The following UROS variants were observed in gnomAD, a reference collection of about 807,000 sequenced individuals.
The protein encoded by UROS is uroporphyrinogen III synthase.
In UROS, 18 loss-of-function variants were observed where a neutral mutation model predicts 33.0. The ratio of observed to expected loss-of-function variants is 0.55; its 90% confidence interval spans 0.38 to 0.81. The LOEUF is 0.81. Ranked by LOEUF, UROS falls within the 30% of genes least tolerant of loss-of-function variation. The pLI is 0.00. For synonymous variants in UROS, 114 were observed against 121.1 expected (o/e 0.94, Z 0.38); for missense variants, 293 against 314.9 (o/e 0.93, Z 0.53).
At chr10:125,800,387 C>T (rs1273990679) in intron 6 of UROS, among the ~76,000 whole-genome samples, 1 of 152,146 alleles carries the variant, frequency 6.6e-6, no homozygotes, top group Non-Finnish European at 1.5e-5. Flanking sequence ...CTATGGTTTA[C>T]CTGGGCATCC....
intron 3 of UROS, among the ~76,000 whole-genome samples, chr10:125,815,775 A>G (rs1395471147): frequency 6.6e-6 from 1 of 152,226 alleles, no homozygotes; most frequent in Non-Finnish European, 1.5e-5. Flanking sequence ...TACTTGCTAG[A>G]GGTCTTAGCT....
chr10:125,812,473 A>T (rs1273799901), intron 4 of UROS, among the ~76,000 whole-genome samples, 185 bp from the exon 5 acceptor site: 1 of 152,220 alleles, frequency 6.6e-6, no homozygotes, highest in East Asian at 1.9e-4. Context: ...GGCAATTTTT[A>T]AAAAATTGCT....
chr10:125,794,367 T>C (rs868738690), intron 9 of UROS: 8 of 1,004,916 alleles, frequency 8.0e-6, no homozygotes, highest in Middle Eastern at 5.0e-4. Context: ...TCAGTCCCTC[T>C]GGAGCCAGTT....
chr10:125,817,224 ATTT>A (rs11431196), intron 1 of UROS, among the ~76,000 whole-genome samples: 63 of 74,076 alleles, frequency 8.5e-4, no homozygotes, highest in African/African-American at 3.1e-3. Context: ...TTATAGATGT[ATTT>A]TTTTTTTTTT....
chr10:125,804,036 G>C (rs1341731098), intron 6 of UROS, among the ~76,000 whole-genome samples: 1 of 152,216 alleles, frequency 6.6e-6, no homozygotes, highest in African/African-American at 2.4e-5. Flanking sequence ...GAAACTCTTG[G>C]AACTTCCCAT....
At chr10:125,791,235 A>G (rs1425439762) in intron 9 of UROS, among the ~76,000 whole-genome samples, 1 of 152,216 alleles carries the variant, frequency 6.6e-6, no homozygotes, top group African/African-American at 2.4e-5. Flanking sequence ...CAAACACATA[A>G]AAAGATGCTC....
intron 4 of UROS, among the ~76,000 whole-genome samples, chr10:125,813,494 C>T (rs1351987537): frequency 6.6e-6 from 1 of 152,178 alleles, no homozygotes. Context: ...ACCCAGAGCA[C>T]CACTGGGAAA....
chr10:125,794,266 T>G, intron 9 of UROS: 585 of 897,126 alleles, frequency 6.5e-4, no homozygotes, highest in Non-Finnish European at 7.3e-4. Flanking sequence ...GATGCACCTG[T>G]GAGAAGGCAG....
chr10:125,812,596 C>A (rs1277490757), intron 4 of UROS, among the ~76,000 whole-genome samples: 2 of 152,206 alleles, frequency 1.3e-5, no homozygotes, highest in East Asian at 3.9e-4. Flanking sequence ...AATTAATCTG[C>A]ATAGTGAAAT....
intron 1 of UROS, among the ~76,000 whole-genome samples, chr10:125,822,025 C>T (rs1590034137): frequency 6.6e-6 from 1 of 152,294 alleles, no homozygotes; most frequent in East Asian, 1.9e-4. Context: ...TCAGATGTTA[C>T]CCTGCTTAAA....
chr10:125,806,785 C>G (rs947582), intron 6 of UROS, among the ~76,000 whole-genome samples: 64,268 of 152,012 alleles, frequency 0.42, 13,856 homozygotes, highest in Non-Finnish European at 0.47. Flanking sequence ...ATTCAGGGAA[C>G]AGAGAGGAAG....
chr10:125,790,105 AG>A (rs1850813096), intron 9 of UROS, among the ~76,000 whole-genome samples: 1 of 152,192 alleles, frequency 6.6e-6, no homozygotes, highest in South Asian at 2.1e-4. Context: ...TGCGGGACTG[AG>A]GCTCCTTCCT....
intron 3 of UROS, 103 bp downstream of exon 3, chr10:125,816,074 T>C (rs1009067692): frequency 4.7e-5 from 56 of 1,193,062 alleles, no homozygotes; most frequent in Non-Finnish European, 7.5e-6. Flanking sequence ...TGTTTTAAAG[T>C]TTGGGAATAA....
At chr10:125,804,013 G>A (rs1288574267) in intron 6 of UROS, among the ~76,000 whole-genome samples, 2 of 152,240 alleles carry the variant, frequency 1.3e-5, no homozygotes, top group Non-Finnish European at 2.9e-5. Flanking sequence ...CCTGTTCCAG[G>A]CACAGAGCTT....
In UROS at chr10:125,788,779, A is replaced by G; in HGVS notation, c.*89T>C. 6.7e-7 allele frequency: 1 copy of G among 1,490,518 alleles called. No individual in the cohort carries two copies. The highest frequency in any genetic ancestry group is 1.4e-5 in the African/African-American group (1 of 71,656). 92.3% of individuals were successfully genotyped at this position (1,490,518 alleles called of 1,614,324 possible). A position where few individuals can be genotyped will look rare whatever the true frequency, so the allele number is the denominator to read the frequency against. On this transcript the variant is annotated 3_prime_UTR_variant, in exon 10 of 10. Coordinates refer to ENST00000368797, the MANE Select transcript of UROS (RefSeq NM_000375.3). Reference sequence around the variant, plus strand: ...CTTGAGGCAGGAGTCTGACGGCAGCAGCTCCCGAGAGCCCTTGCCGATGCC... The same window carrying G: ...CTTGAGGCAGGAGTCTGACGGCAGCGGCTCCCGAGAGCCCTTGCCGATGCC...
intron 7 of UROS, among the ~76,000 whole-genome samples, chr10:125,797,230 A>C (rs1434843640): frequency 6.6e-6 from 1 of 152,152 alleles, no homozygotes; most frequent in Non-Finnish European, 1.5e-5. Context: ...GGACTATTAG[A>C]GCTTCAAAAC....
At chr10:125,815,232 G>T in intron 3 of UROS, 102 bp from the exon 4 acceptor site, 1 of 1,287,892 alleles carries the variant, frequency 7.8e-7, no homozygotes. Flanking sequence ...AATAGTAGTA[G>T]GCAAACTAAT....
intron 6 of UROS, among the ~76,000 whole-genome samples, chr10:125,800,418 C>T (rs536635934): frequency 1.6e-4 from 25 of 152,288 alleles, no homozygotes; most frequent in Admixed American, 2.0e-4. Context: ...GCTGGGGGAA[C>T]GGGGCGGAGT....
intron 6 of UROS, among the ~76,000 whole-genome samples, chr10:125,806,937 C>T (rs1852387117): frequency 1.3e-5 from 2 of 152,172 alleles, no homozygotes; most frequent in South Asian, 4.1e-4. Context: ...CATTTAAATG[C>T]TAACACCCCT....
Sources: gnomAD v4.1 joint callset for allele counts (sites outside exome capture counted in the v4.1 genomes callset) on GRCh38, gnomAD v4.1.1 for gene constraint, MANE v1.5 for transcripts, NCBI Gene and HGNC (gene_info 2026-07-23, HGNC 2026-07-21) for gene names.